CARMIL1: variants seen among roughly 807,000 people sequenced by gnomAD.
The protein encoded by CARMIL1 is capping protein regulator and myosin 1 linker 1, also known as F-actin-uncapping protein LRRC16A.
A neutral mutation model predicts 177.1 loss-of-function variants in CARMIL1; 90 were observed. The observed-to-expected ratio is 0.51, with a 90% CI of 0.43 to 0.61. The LOEUF is 0.61. CARMIL1 is among the 20% of genes least tolerant of loss of function. The probability of loss-of-function intolerance (pLI) is 0.00; values close to 1 mark genes in which losing one functional copy is unlikely to be tolerated. For missense variants in CARMIL1, 1,380 were observed against 1,667.0 expected, an observed-to-expected ratio of 0.83 and a Z score of 3.00; for synonymous variants, 577 against 606.2, an observed-to-expected ratio of 0.95 and a Z score of 0.71.
intron 2 of CARMIL1, chr6:25,388,248 T>G (rs1253181598): frequency 1.3e-5 from 2 of 152,236 alleles, no homozygotes; most frequent in African/African-American, 4.8e-5. Context: ...AAGGCTAATT[T>G]TTTTTGGTGA....
intron 31 of CARMIL1, among the ~76,000 whole-genome samples, chr6:25,592,318 T>C (rs897937547): frequency 6.6e-6 from 1 of 152,220 alleles, no homozygotes; most frequent in Non-Finnish European, 1.5e-5. Flanking sequence ...CTATATTAAC[T>C]TAAGGGGCTA....
chr6:25,603,921 T>G (rs989472541), intron 33 of CARMIL1, among the ~76,000 whole-genome samples: 4 of 152,100 alleles, frequency 2.6e-5, no homozygotes, highest in African/African-American at 9.7e-5. Flanking sequence ...TTTAAAAAAT[T>G]TATTCGGTCC....
At chr6:25,504,380 G>A (rs752733075) in intron 17 of CARMIL1, among the ~76,000 whole-genome samples, 11 of 152,062 alleles carry the variant, frequency 7.2e-5, no homozygotes, top group Non-Finnish European at 1.2e-4. Flanking sequence ...AAGTTGGCTT[G>A]TAGGTTCTCA....
intron 16 of CARMIL1, among the ~76,000 whole-genome samples, chr6:25,498,808 A>G (rs948767190): frequency 6.6e-6 from 1 of 152,210 alleles, no homozygotes; most frequent in Non-Finnish European, 1.5e-5. Context: ...CACTGACTCA[A>G]TACTGCGCCC....
chr6:25,484,029 A>C (rs1802392450), intron 12 of CARMIL1, among the ~76,000 whole-genome samples: 1 of 152,138 alleles, frequency 6.6e-6, no homozygotes. Flanking sequence ...AAGTGCTGGG[A>C]TTACATGCAT....
At chr6:25,289,911 A>C (rs73392397) in intron 2 of CARMIL1, among the ~76,000 whole-genome samples, 6,936 of 152,294 alleles carry the variant, frequency 0.046, 230 homozygotes, top group Middle Eastern at 0.099. Context: ...TTGAGTGAAC[A>C]TACTTTTCCT....
In CARMIL1 at chr6:25,610,045, C is replaced by G; in HGVS notation, c.3848-5C>G. On this transcript the variant is annotated splice_polypyrimidine_tract_variant and splice_region_variant and intron_variant, in intron 35 of 36. Coordinates refer to ENST00000329474, the MANE Select transcript of CARMIL1 (RefSeq NM_017640.6). ...AGTTTGATTCACGTGTTTGTGTCTC[C>G]TTAGATGACATTCCAGACTCTCCAT... 6.2e-7 allele frequency: 1 copy of G among 1,613,320 alleles called. No homozygotes were observed. The highest frequency in any genetic ancestry group is 8.5e-7 in the Non-Finnish European group (1 of 1,179,564).
chr6:25,586,780 C>T (rs1247404051), intron 31 of CARMIL1, among the ~76,000 whole-genome samples: 3 of 151,998 alleles, frequency 2.0e-5, no homozygotes, highest in African/African-American at 4.8e-5. Flanking sequence ...CGGCGAAACC[C>T]CGTCTCCACC....
At position 25,396,518 on chromosome 6, in the gene CARMIL1, C is replaced by T. The variant is rs531652665; in HGVS notation, c.139-23596C>T. 6.6e-5 allele frequency among the ~76,000 whole-genome samples: 10 copies of T among 151,888 alleles called. No homozygotes were observed. The South Asian group carries it at 8.3e-4, about 13-fold the overall frequency. On this transcript the variant is annotated intron_variant, in intron 2 of 36. Transcript: ENST00000329474. Reference sequence around the variant, plus strand: ...CTGGGATTACAGGCACCCACCACCACGCCCAGCTAATTTTTGTATTTTTAG... The same window carrying T: ...CTGGGATTACAGGCACCCACCACCATGCCCAGCTAATTTTTGTATTTTTAG...
chr6:25,550,549 C>A (rs1447515544), intron 26 of CARMIL1, among the ~76,000 whole-genome samples: 1 of 151,982 alleles, frequency 6.6e-6, no homozygotes, highest in Non-Finnish European at 1.5e-5. Context: ...TGTTCTAGTA[C>A]CAGGGAAAAC....
chr6:25,543,680 AGGC>A (rs1809132691), intron 26 of CARMIL1, among the ~76,000 whole-genome samples: 1 of 152,144 alleles, frequency 6.6e-6, no homozygotes, highest in South Asian at 2.1e-4. Context: ...TTATGATATG[AGGC>A]CTGAGGGGTT....
rs767212943 is a variant in CARMIL1 at position 25,515,786 on chromosome 6, G to A, written c.1744G>A (p.Gly582Arg). The change falls in exon 21 of 37, where the codon GGA becomes AGA. Residue 582 changes from glycine (G) to arginine (R), a missense_variant. Coordinates refer to ENST00000329474, the MANE Select transcript of CARMIL1 (RefSeq NM_017640.6). The surrounding 1 kb of genome is among the most constrained non-coding windows in gnomAD (Gnocchi z 5.0). ...GACCAAAGTGGACATTAGCGGCAAC[G>A]GAATGGGGGACATGGGAGCGAAGAT... ...SLTKVDISGN[G>R]MGDMGAKMLA... The A allele has an allele frequency of 9.3e-6, 15 of 1,611,808 alleles. No individual in the cohort carries two copies. The highest frequency in any genetic ancestry group is 5.3e-5 in the African/African-American group (4 of 74,864).
chr6:25,578,841 A>G (rs887539309), intron 29 of CARMIL1, among the ~76,000 whole-genome samples: 1 of 152,162 alleles, frequency 6.6e-6, no homozygotes, highest in African/African-American at 2.4e-5. Flanking sequence ...GAAAGCAAGT[A>G]AAATACATTA....
Position 25,531,826 on chromosome 6 carries a change from A to C in CARMIL1, c.2067+2933A>C, listed in dbSNP as rs1367838044. The stretch of plus-strand genomic sequence containing the variant: ...CACTCTGTCGCCCAGGCTGGAGTGC[A>C]GTGGCGCAATCTCGGCTTACTGCAA... On this transcript the variant is annotated intron_variant, in intron 24 of 36. Coordinates refer to ENST00000329474, the MANE Select transcript of CARMIL1 (RefSeq NM_017640.6). 2.0e-5 allele frequency among the ~76,000 whole-genome samples: 3 copies of C among 152,332 alleles called. No homozygotes were observed. The East Asian group carries it at 5.8e-4, about 29-fold the overall frequency.
chr6:25,563,224 C>A (rs1389873228), intron 29 of CARMIL1: 1 of 985,224 alleles, frequency 1.0e-6, no homozygotes, highest in Non-Finnish European at 1.2e-6. Context: ...TTTCAACATG[C>A]CATGATGACA....
chr6:25,508,278 T>C (rs1805119011), intron 17 of CARMIL1, among the ~76,000 whole-genome samples: 1 of 152,208 alleles, frequency 6.6e-6, no homozygotes, highest in Admixed American at 6.5e-5. Context: ...ACACACAGGT[T>C]AGAAGCCCTT....
At chr6:25,555,033 T>C (rs1442233945) in intron 28 of CARMIL1, among the ~76,000 whole-genome samples, 1 of 152,220 alleles carries the variant, frequency 6.6e-6, no homozygotes, top group Non-Finnish European at 1.5e-5. Context: ...ACAATTCAAA[T>C]GCTGCCTGTG....
rs1039579663 is a variant in CARMIL1, at chr6:25,515,015, G to A, written c.1633-660G>A. On this transcript the variant is annotated intron_variant, in intron 20 of 36. Transcript: ENST00000329474. The surrounding 1 kb of genome is among the most constrained non-coding windows in gnomAD (Gnocchi z 5.0). The stretch of plus-strand genomic sequence containing the variant: ...AGGGAGATGTGGTATAGGGTTAGGA[G>A]CATGAAATCTGGAACCAGTACATCT... Among the ~76,000 whole-genome samples the A allele has an allele frequency of 3.9e-5, 6 of 152,164 alleles. No homozygotes were observed. The highest frequency in any genetic ancestry group is 8.8e-5 in the Non-Finnish European group (6 of 68,032).
chr6:25,389,733 C>A (rs73730712), intron 2 of CARMIL1, among the ~76,000 whole-genome samples: 2,239 of 152,194 alleles, frequency 0.015, 52 homozygotes, highest in African/African-American at 0.049. Context: ...TTGGTGTGGG[C>A]CGCAGCAATG....
Sources: allele counts gnomAD v4.1 joint callset (sites outside exome capture counted in the v4.1 genomes callset), GRCh38; gene constraint gnomAD v4.1.1; non-coding constraint Gnocchi (gnomAD v3.1); transcripts MANE v1.5; gene names NCBI Gene and HGNC (gene_info 2026-07-23, HGNC 2026-07-21).